The following CPHXL2 variants were observed in gnomAD, a reference collection of about 807,000 sequenced individuals.
CPHXL2 encodes the protein cytoplasmic polyadenylated homeobox-like protein 2.
At chr16:75,676,886 A>C in the CPHXL2 span, 1 of 398,252 alleles carries the variant, frequency 2.5e-6, no homozygotes. Flanking sequence ...CACAATCTTC[A>C]CTATTATAAG....
the CPHXL2 span, among the ~76,000 whole-genome samples, chr16:75,664,639 A>G: frequency 4.0e-5 from 6 of 150,942 alleles, 1 homozygote; most frequent in African/African-American, 1.5e-4. Flanking sequence ...AAAAAAAAAA[A>G]AAAGAAAGAA....
At chr16:75,665,145 A>G in the CPHXL2 span, among the ~76,000 whole-genome samples, 2 of 152,194 alleles carry the variant, frequency 1.3e-5, no homozygotes, top group Non-Finnish European at 2.9e-5. Context: ...CATCTGGGAA[A>G]TTCATCCCAA....
At chr16:75,668,568 A>T in the CPHXL2 span, among the ~76,000 whole-genome samples, 1 of 152,060 alleles carries the variant, frequency 6.6e-6, no homozygotes, top group Non-Finnish European at 1.5e-5. Context: ...TTTTCTCTCA[A>T]ATTGGTTCTG....
the CPHXL2 span, among the ~76,000 whole-genome samples, chr16:75,662,335 C>CTTTTT: frequency 1.6e-5 from 2 of 126,770 alleles, no homozygotes; most frequent in Non-Finnish European, 3.3e-5. Context: ...TCTTTCTTTT[C>CTTTTT]TTTTTTTTTT....
At chr16:75,666,583 G>A in the CPHXL2 span, among the ~76,000 whole-genome samples, 4 of 144,352 alleles carry the variant, frequency 2.8e-5, no homozygotes, top group Admixed American at 7.0e-5. Context: ...ACTCCAGCCT[G>A]GGCAACAAGA....
the CPHXL2 span, among the ~76,000 whole-genome samples, chr16:75,672,483 A>G: frequency 6.6e-6 from 1 of 151,976 alleles, no homozygotes; most frequent in Non-Finnish European, 1.5e-5. Flanking sequence ...GCCAGCATTT[A>G]TAATTTTTTG....
the CPHXL2 span, chr16:75,661,198 T>C: frequency 5.0e-6 from 2 of 400,706 alleles, no homozygotes; most frequent in Admixed American, 4.4e-5. Context: ...GTAAGAAATA[T>C]TCTTTGTCTT....
the CPHXL2 span, chr16:75,660,351 G>A: frequency 3.8e-5 from 15 of 398,462 alleles, no homozygotes; most frequent in Non-Finnish European, 5.7e-5. Flanking sequence ...TGAGTTGCTT[G>A]AAGCCCCTAC....
chr16:75,663,996 C>G, the CPHXL2 span, among the ~76,000 whole-genome samples: 4 of 151,966 alleles, frequency 2.6e-5, no homozygotes, highest in Non-Finnish European at 5.9e-5. Flanking sequence ...CATGACAACA[C>G]TTTGGTCTCC....
the CPHXL2 span, among the ~76,000 whole-genome samples, chr16:75,673,597 A>G: frequency 2.0e-4 from 31 of 152,262 alleles, no homozygotes; most frequent in East Asian, 1.9e-4. Context: ...GGCCTAAACT[A>G]TAGTTTGATA....
chr16:75,673,271 C>A, the CPHXL2 span, among the ~76,000 whole-genome samples: 1,313 of 151,510 alleles, frequency 8.7e-3, 15 homozygotes, highest in Non-Finnish European at 9.8e-3. Context: ...CTCTTCTCTA[C>A]GAAAAATATA....
At chr16:75,674,448 C>T in the CPHXL2 span, among the ~76,000 whole-genome samples, 2 of 148,802 alleles carry the variant, frequency 1.3e-5, no homozygotes, top group African/African-American at 5.0e-5. Flanking sequence ...TTAAAGTAGA[C>T]CTAAATAAAT....
the CPHXL2 span, among the ~76,000 whole-genome samples, chr16:75,676,414 C>G: frequency 1.3e-5 from 2 of 152,200 alleles, no homozygotes; most frequent in Non-Finnish European, 2.9e-5. Context: ...GTTTCTAACT[C>G]TTGGGCTCAG....
chr16:75,667,281 C>T, the CPHXL2 span, among the ~76,000 whole-genome samples: 6 of 141,776 alleles, frequency 4.2e-5, no homozygotes, highest in Non-Finnish European at 7.5e-5. Context: ...CACTGTACTC[C>T]AGCCTGGGCG....
At chr16:75,662,330 CTTTT>C in the CPHXL2 span, among the ~76,000 whole-genome samples, 1 of 143,196 alleles carries the variant, frequency 7.0e-6, no homozygotes. Flanking sequence ...CTTTTTCTTT[CTTTT>C]CTTTTTTTTT....
the CPHXL2 span, among the ~76,000 whole-genome samples, chr16:75,668,428 C>T: frequency 2.0e-5 from 3 of 152,068 alleles, no homozygotes; most frequent in South Asian, 2.1e-4. Flanking sequence ...GGGGTTTCAC[C>T]ATGTTGGTCA....
At chr16:75,668,540 T>TTG in the CPHXL2 span, among the ~76,000 whole-genome samples, 561 of 152,122 alleles carry the variant, frequency 3.7e-3, 2 homozygotes, top group African/African-American at 0.013. Flanking sequence ...ATTTTTCATA[T>TTG]TGTGTGTGTG....
At chr16:75,662,330 C>CT in the CPHXL2 span, among the ~76,000 whole-genome samples, 5 of 143,140 alleles carry the variant, frequency 3.5e-5, no homozygotes, top group African/African-American at 1.0e-4. Context: ...CTTTTTCTTT[C>CT]TTTTCTTTTT....
chr16:75,660,867 G>A, the CPHXL2 span: 1 of 398,648 alleles, frequency 2.5e-6, no homozygotes, highest in Non-Finnish European at 4.4e-6. Context: ...AGCATAGCCT[G>A]GATGCTTTTC....
Sources: allele counts gnomAD v4.1 joint callset (sites outside exome capture counted in the v4.1 genomes callset), GRCh38; gene constraint gnomAD v4.1.1; transcripts MANE v1.5; gene names NCBI Gene and HGNC (gene_info 2026-07-23, HGNC 2026-07-21).